Variants in ACOT12 observed in about 807,000 individuals in gnomAD.
ACOT12 encodes acyl-CoA thioesterase 12.
A neutral mutation model predicts 67.7 loss-of-function variants in ACOT12; 51 were observed. The observed-to-expected ratio is 0.75, with a 90% CI of 0.60 to 0.95. The LOEUF (loss-of-function observed/expected upper bound fraction) is 0.95. ACOT12 is among the 40% of genes least tolerant of loss of function. The pLI, the probability that ACOT12 is intolerant of heterozygous loss-of-function variation, is 0.00. For missense variants in ACOT12, 734 were observed against 708.1 expected (o/e 1.04, Z -0.41); for synonymous variants, 251 against 244.6 (o/e 1.03, Z -0.24).
the ACOT12 span, chr5:81,311,112 C>A: frequency 8.4e-7 from 1 of 1,190,316 alleles, no homozygotes; most frequent in Non-Finnish European, 1.2e-6. Context: ...TTACAACTGA[C>A]AGGGTTGTGA....
chr5:81,381,213 C>T (rs188345094), intron 2 of ACOT12, among the ~76,000 whole-genome samples: 15 of 152,108 alleles, frequency 9.9e-5, no homozygotes, highest in Middle Eastern at 3.4e-3. Context: ...ATTACAGGCG[C>T]GTGCCACCAC....
intron 11 of ACOT12, among the ~76,000 whole-genome samples, chr5:81,341,643 T>C (rs977493402): frequency 1.3e-5 from 2 of 152,170 alleles, no homozygotes; most frequent in African/African-American, 4.8e-5. Flanking sequence ...GGCGCTCCTA[T>C]GGTCTGGGTG....
Position 81,368,247 on chromosome 5 carries a change from G to A in ACOT12, c.258+3503C>T, listed in dbSNP as rs535725176. Among the ~76,000 whole-genome samples, 455 of 152,122 alleles carry A rather than the reference G, an allele frequency of 3.0e-3. 3 individuals are homozygous for A. Among genetic ancestry groups the A allele is most frequent in the African/African-American group, 0.01 (432 of 41,504 alleles). On this transcript the variant is annotated intron_variant, in intron 3 of 14. Transcript: ENST00000307624. ...GCGGAGCTTGCAGGGAGCCAAGATCGCACCACCGCACTACAGCCTGGGAGA... is the reference window on the plus strand; with the variant it reads ...GCGGAGCTTGCAGGGAGCCAAGATCACACCACCGCACTACAGCCTGGGAGA...
intron 11 of ACOT12, 48 bp from the exon 12 acceptor site, chr5:81,335,949 T>C (rs1758986473): frequency 6.4e-7 from 1 of 1,567,814 alleles, no homozygotes. Context: ...CTGATGCTTT[T>C]ACTTTAGAAA....
At chr5:81,381,998 G>T (rs1361332281) in intron 2 of ACOT12, among the ~76,000 whole-genome samples, 1 of 151,842 alleles carries the variant, frequency 6.6e-6, no homozygotes, top group African/African-American at 2.4e-5. Context: ...TGATAATATT[G>T]GTACTGTTAT....
At chr5:81,317,114 A>G in the ACOT12 span, among the ~76,000 whole-genome samples, 1 of 152,044 alleles carries the variant, frequency 6.6e-6, no homozygotes, top group Non-Finnish European at 1.5e-5. Flanking sequence ...GTTATCTTTG[A>G]TGTCACACCT....
intron 13 of ACOT12, among the ~76,000 whole-genome samples, chr5:81,331,558 G>C (rs184550914): frequency 3.3e-5 from 5 of 152,230 alleles, no homozygotes; most frequent in Admixed American, 3.3e-4. Flanking sequence ...AATACCCATT[G>C]TTGTTAAAAG....
chr5:81,361,755 C>T (rs1172869433), intron 4 of ACOT12, among the ~76,000 whole-genome samples: 1 of 152,212 alleles, frequency 6.6e-6, no homozygotes, highest in African/African-American at 2.4e-5. Context: ...CTTAGTAAGG[C>T]TTTGCATGAG....
At chr5:81,314,495 A>G in the ACOT12 span, among the ~76,000 whole-genome samples, 1 of 152,236 alleles carries the variant, frequency 6.6e-6, no homozygotes, top group Non-Finnish European at 1.5e-5. Flanking sequence ...AAACACGTGT[A>G]GAGACACTAA....
chr5:81,326,483 G>T (rs930443974), downstream of ACOT12, among the ~76,000 whole-genome samples: 2 of 152,148 alleles, frequency 1.3e-5, no homozygotes, highest in Admixed American at 6.5e-5. Context: ...AAAGACACAA[G>T]ACTTTTGGTT....
chr5:81,363,751 A>C (rs751550515), intron 4 of ACOT12, 37 bp downstream of exon 4: 15 of 1,501,112 alleles, frequency 1.0e-5, no homozygotes, highest in African/African-American at 1.4e-5. Context: ...ATGTCCCTGA[A>C]TTACATGCTA....
chr5:81,348,123 TG>T (rs1759439054), intron 5 of ACOT12, among the ~76,000 whole-genome samples, 193 bp from the exon 6 acceptor site: 1 of 152,146 alleles, frequency 6.6e-6, no homozygotes, highest in African/African-American at 2.4e-5. Context: ...TGCAATGAAT[TG>T]GGTTAAGATA....
chr5:81,338,659 T>C (rs1759087031), intron 11 of ACOT12, among the ~76,000 whole-genome samples: 1 of 152,144 alleles, frequency 6.6e-6, no homozygotes, highest in Admixed American at 6.5e-5. Context: ...TCTTTATCAT[T>C]TGATGGTTGG....
chr5:81,375,135 C>G (rs146455015), intron 2 of ACOT12, among the ~76,000 whole-genome samples: 69 of 152,298 alleles, frequency 4.5e-4, no homozygotes, highest in African/African-American at 1.6e-3. Context: ...AGACTAACAG[C>G]GGATCTCTCT....
the ACOT12 span, chr5:81,312,869 A>G: frequency 4.8e-5 from 18 of 373,602 alleles, no homozygotes; most frequent in Middle Eastern, 7.1e-4. Context: ...AAAGAATAAG[A>G]TGATTAAATG....
chr5:81,359,943 A>C lies in ACOT12; in HGVS notation c.456T>G (p.Asp152Glu), dbSNP rs1342522667. ...ERRKVRLQHE[D>E]TFNNLMKESS... ...TTTCCTTCATTAAATTGTTAAAGGT[A>C]TCTTCATGTTGTAATCGAACTTTCC... The change falls in exon 5 of 15, where the codon GAT (aspartate) becomes GAG (glutamate). Residue 152 changes from aspartate to glutamate, a missense_variant. Asp to Glu is a conservative substitution (Grantham distance 45). Coordinates refer to ENST00000307624, the MANE Select transcript of ACOT12 (RefSeq NM_130767.3). The C allele has an allele frequency of 6.2e-7, 1 of 1,612,120 alleles. No homozygotes were observed. The highest frequency in any genetic ancestry group is 8.5e-7 in the Non-Finnish European group (1 of 1,179,502).
chr5:81,360,204 AT>A (rs1423932578), intron 4 of ACOT12, among the ~76,000 whole-genome samples, 166 bp from the exon 5 acceptor site: 11 of 152,192 alleles, frequency 7.2e-5, no homozygotes, highest in Non-Finnish European at 1.2e-4. Context: ...TTCTTAAATT[AT>A]TTTTAAACTA....
intron 3 of ACOT12, among the ~76,000 whole-genome samples, chr5:81,364,223 T>A (rs1053917002): frequency 4.0e-5 from 6 of 150,794 alleles, no homozygotes; most frequent in African/African-American, 1.5e-4. Context: ...TCATATATGA[T>A]ATATAAGTGT....
At chr5:81,339,064 G>A (rs557890302) in intron 11 of ACOT12, among the ~76,000 whole-genome samples, 119 of 152,320 alleles carry the variant, frequency 7.8e-4, no homozygotes, top group African/African-American at 2.7e-3. Context: ...TGGGCAAAGA[G>A]TGAGACTCTA....
Sources: allele counts gnomAD v4.1 joint callset (sites outside exome capture counted in the v4.1 genomes callset), GRCh38; gene constraint gnomAD v4.1.1; transcripts MANE v1.5; gene names NCBI Gene and HGNC (gene_info 2026-07-23, HGNC 2026-07-21).